DCC: variants seen among roughly 807,000 people sequenced by gnomAD.
DCC encodes the protein DCC netrin 1 receptor, also known as netrin receptor DCC.
A neutral mutation model predicts 172.5 loss-of-function variants in DCC; 58 were observed. That is an observed-to-expected ratio of 0.34 (90% CI 0.27 to 0.42). DCC has a LOEUF of 0.42. Ranked by LOEUF, DCC falls within the 10% of genes least tolerant of loss-of-function variation. The pLI is 1.00. For synonymous variants in DCC, 709 were observed against 644.5 expected, an observed-to-expected ratio of 1.10 and a Z score of -1.52; for missense variants, 1,740 against 1,791.0, an observed-to-expected ratio of 0.97 and a Z score of 0.51.
At chr18:52,749,881 A>C (rs912634070) in intron 1 of DCC, among the ~76,000 whole-genome samples, 11 of 152,156 alleles carry the variant, frequency 7.2e-5, no homozygotes, top group African/African-American at 2.7e-4. Flanking sequence ...TTGAATTTCA[A>C]ATTTATTTCT....
intron 7 of DCC, among the ~76,000 whole-genome samples, chr18:53,147,874 T>C (rs2043939024): frequency 6.6e-6 from 1 of 152,204 alleles, no homozygotes; most frequent in Non-Finnish European, 1.5e-5. Flanking sequence ...CCATCAAGTA[T>C]GATTGGAGCC....
At chr18:53,330,280 C>G (rs2057516476) in intron 14 of DCC, among the ~76,000 whole-genome samples, 1 of 152,156 alleles carries the variant, frequency 6.6e-6, no homozygotes, top group African/African-American at 2.4e-5. Context: ...GTATTCTTCA[C>G]TTTGTGACTA....
chr18:53,518,171 T>TGTC (rs1464695365), intron 27 of DCC, among the ~76,000 whole-genome samples: 1 of 152,188 alleles, frequency 6.6e-6, no homozygotes, highest in African/African-American at 2.4e-5. Flanking sequence ...CATTTCATTT[T>TGTC]GTCTGGCATC....
chr18:52,637,890 GGAAA>G (rs1454403132), intron 1 of DCC, among the ~76,000 whole-genome samples: 1 of 152,082 alleles, frequency 6.6e-6, no homozygotes, highest in Non-Finnish European at 1.5e-5. Context: ...TTAAGATGAA[GGAAA>G]GAATCTTAAG....
chr18:53,115,629 T>TA (rs2043398027), intron 7 of DCC, among the ~76,000 whole-genome samples: 1 of 151,634 alleles, frequency 6.6e-6, no homozygotes, highest in Non-Finnish European at 1.5e-5. Flanking sequence ...TTAATGAAGG[T>TA]AACATTTGAG....
intron 22 of DCC, 38 bp downstream of exon 22, chr18:53,435,247 T>C (rs751558606): frequency 1.5e-6 from 2 of 1,320,838 alleles, no homozygotes. Flanking sequence ...ATTAGTTATA[T>C]TAATTAAATG....
At chr18:53,000,585 CTTTTTTTTTTTT>C (rs71175543) in intron 5 of DCC, among the ~76,000 whole-genome samples, 2 of 99,014 alleles carry the variant, frequency 2.0e-5, no homozygotes, top group African/African-American at 7.5e-5. Flanking sequence ...AGCTTACATT[CTTTTTTTTTTTT>C]TTTTTTTTTT....
chr18:53,406,605 G>A (rs538177831), intron 19 of DCC, among the ~76,000 whole-genome samples: 1 of 151,742 alleles, frequency 6.6e-6, no homozygotes, highest in African/African-American at 2.4e-5. Flanking sequence ...TGGGGAGGCT[G>A]AGGCAGGATA....
chr18:52,958,114 T>C (rs1169011090), intron 5 of DCC, among the ~76,000 whole-genome samples: 1 of 152,186 alleles, frequency 6.6e-6, no homozygotes, highest in Non-Finnish European at 1.5e-5. Flanking sequence ...GTGAGGAAGC[T>C]TTGTTTATTT....
intron 5 of DCC, among the ~76,000 whole-genome samples, chr18:52,989,186 A>T (rs910817605): frequency 6.6e-6 from 1 of 152,040 alleles, no homozygotes; most frequent in Admixed American, 6.6e-5. Context: ...TAATCTTCAG[A>T]ATTTTGACCA....
chr18:53,371,399 A>G (rs2144957852), intron 15 of DCC, among the ~76,000 whole-genome samples: 1 of 152,140 alleles, frequency 6.6e-6, no homozygotes, highest in Non-Finnish European at 1.5e-5. Context: ...TCAGAAAAAT[A>G]TTATCACTAG....
chr18:52,703,007 C>G (rs945842441), intron 1 of DCC, among the ~76,000 whole-genome samples: 1 of 152,130 alleles, frequency 6.6e-6, no homozygotes, highest in African/African-American at 2.4e-5. Context: ...CTTTACCTAC[C>G]TAACTCCAAA....
intron 5 of DCC, among the ~76,000 whole-genome samples, chr18:53,027,173 A>G (rs535586504): frequency 6.2e-4 from 94 of 152,208 alleles, no homozygotes; most frequent in South Asian, 2.9e-3. Context: ...TGGGTTCTCG[A>G]CTTCTACTAC....
intron 5 of DCC, among the ~76,000 whole-genome samples, chr18:52,974,133 A>C (rs1225941081): frequency 6.6e-6 from 1 of 152,208 alleles, no homozygotes; most frequent in Non-Finnish European, 1.5e-5. Flanking sequence ...TATTTTTATG[A>C]TAAAGCAAGA....
intron 12 of DCC, among the ~76,000 whole-genome samples, chr18:53,235,692 G>A (rs373850966): frequency 1.7e-5 from 1 of 57,828 alleles, no homozygotes. Flanking sequence ...TATATTCATA[G>A]TTTTGTAACC....
chr18:53,355,494 C>G (rs1163010536), intron 15 of DCC, among the ~76,000 whole-genome samples: 1 of 152,098 alleles, frequency 6.6e-6, no homozygotes, highest in Non-Finnish European at 1.5e-5. Flanking sequence ...CTTCACATCC[C>G]TTGTAAGTTG....
chr18:53,423,991 T>A (rs1910768658), intron 21 of DCC, among the ~76,000 whole-genome samples: 1 of 152,156 alleles, frequency 6.6e-6, no homozygotes, highest in South Asian at 2.1e-4. Context: ...GATTTACTGA[T>A]CTTGGGGGAG....
At chr18:52,579,893 C>T (rs1319223098) in intron 1 of DCC, among the ~76,000 whole-genome samples, 1 of 152,178 alleles carries the variant, frequency 6.6e-6, no homozygotes, top group Non-Finnish European at 1.5e-5. Flanking sequence ...TACATAGAAT[C>T]ACCCTAGAAA....
intron 1 of DCC, among the ~76,000 whole-genome samples, chr18:52,429,575 T>C (rs2144462995): frequency 6.6e-6 from 1 of 152,248 alleles, no homozygotes; most frequent in Middle Eastern, 3.4e-3. Context: ...TTTTATTTGT[T>C]TCTGTATCTG....
Sources: gnomAD v4.1 joint callset for allele counts (sites outside exome capture counted in the v4.1 genomes callset) on GRCh38, gnomAD v4.1.1 for gene constraint, MANE v1.5 for transcripts, NCBI Gene and HGNC (gene_info 2026-07-23, HGNC 2026-07-21) for gene names.